Variants in CASK observed in about 807,000 individuals in gnomAD.
The protein encoded by CASK is calcium/calmodulin dependent serine protein kinase, also known as peripheral plasma membrane protein CASK.
CASK carries 4 observed loss-of-function variants against 82.9 expected under a neutral mutation model. The ratio of observed to expected loss-of-function variants is 0.05; its 90% CI spans 0.02 to 0.11. The LOEUF (loss-of-function observed/expected upper bound fraction) is 0.11. Ranked by LOEUF, CASK falls within the 10% of genes least tolerant of loss-of-function variation. The probability of loss-of-function intolerance (pLI) is 1.00; values close to 1 mark genes in which losing one functional copy is unlikely to be tolerated. For missense variants in CASK, 358 were observed against 720.9 expected (o/e 0.50, Z 5.76); for synonymous variants, 259 against 253.5 (o/e 1.02, Z -0.20).
At chrX:41,705,092 G>A (rs1242870851) in intron 5 of CASK, among the ~76,000 whole-genome samples, 1 of 112,258 alleles carries the variant, frequency 8.9e-6, no homozygotes, top group Non-Finnish European at 1.9e-5. Flanking sequence ...GGGAGGTGGG[G>A]GAAGTAACTC....
Position 41,690,194 on chromosome X carries a change from C to T in CASK, c.430-18664G>A, listed in dbSNP as rs144709521. Among the ~76,000 whole-genome samples, 83 of 111,091 alleles carry T rather than the reference C, an allele frequency of 7.5e-4. No individual in the cohort carries two copies. The East Asian group carries it at 0.02, about 26-fold the overall frequency. ...CACAGTGGTTTGTTTCTTGTCTTCA[C>T]AAGCAATTCTTAACATATCAAACAG... On this transcript the variant is annotated intron_variant, in intron 5 of 26. Coordinates refer to ENST00000378163, the MANE Select transcript of CASK (RefSeq NM_001367721.1).
intron 24 of CASK, among the ~76,000 whole-genome samples, chrX:41,532,644 C>T (rs1028143424): frequency 2.0e-4 from 22 of 109,445 alleles, no homozygotes; most frequent in African/African-American, 7.0e-4. Flanking sequence ...TGAGAAAGAA[C>T]AAATTTATGC....
chrX:41,566,339 T>C lies in CASK; in HGVS notation c.1582+3329A>G, dbSNP rs1048716507. Among the ~76,000 whole-genome samples, 38 of 111,713 alleles carry C rather than the reference T, an allele frequency of 3.4e-4. 2 individuals are homozygous for C. Among genetic ancestry groups the C allele is most frequent in the Admixed American group, 5.7e-4 (6 of 10,501 alleles). On this transcript the variant is annotated intron_variant, in intron 16 of 26. Transcript: ENST00000378163. Reference sequence around the variant, plus strand: ...ATGACTATATATTTAGAAAACCCCATTGTCTCAGCCCAAAATCTCCTTAAG... The same window carrying C: ...ATGACTATATATTTAGAAAACCCCACTGTCTCAGCCCAAAATCTCCTTAAG...
In CASK at chrX:41,782,782, A is replaced by T. The variant is rs1383438750; in HGVS notation, c.278+4396T>A. On this transcript the variant is annotated intron_variant, in intron 3 of 26. Transcript: ENST00000378163. The stretch of plus-strand genomic sequence containing the variant: ...GTCCCCTTTGATACAATTAGCATAC[A>T]TGGTGAAATTTAGGTGAATTTTTAA... Among the ~76,000 whole-genome samples the T allele has an allele frequency of 1.3e-4, 15 of 111,955 alleles. No homozygotes were observed. In the Admixed American group the frequency reaches 1.4e-3, roughly 11 times the overall value.
intron 14 of CASK, among the ~76,000 whole-genome samples, chrX:41,583,107 C>T (rs1271442955): frequency 9.0e-6 from 1 of 111,625 alleles, no homozygotes; most frequent in African/African-American, 3.3e-5. Context: ...ATGAAAATGT[C>T]TTTTAAGCAC....
chrX:41,639,496 A>G (rs1450952736), intron 8 of CASK, among the ~76,000 whole-genome samples: 4 of 109,676 alleles, frequency 3.6e-5, no homozygotes, highest in Non-Finnish European at 7.6e-5. Flanking sequence ...AATCCAGGTG[A>G]AAGATGATGG....
intron 5 of CASK, among the ~76,000 whole-genome samples, chrX:41,725,482 T>G (rs2068244855): frequency 1.8e-5 from 2 of 111,154 alleles, no homozygotes; most frequent in African/African-American, 6.5e-5. Context: ...GAAACCTTGC[T>G]CTAGATCATG....
At chrX:41,544,540 T>C in intron 21 of CASK, among the ~76,000 whole-genome samples, 1 of 94,597 alleles carries the variant, frequency 1.1e-5, no homozygotes, top group Non-Finnish European at 2.0e-5. Context: ...CACTCTAGCC[T>C]GGGCAACCGA....
intron 5 of CASK, among the ~76,000 whole-genome samples, chrX:41,736,457 G>A (rs112438524): frequency 2.7e-5 from 3 of 111,919 alleles, no homozygotes; most frequent in Non-Finnish European, 5.6e-5. Flanking sequence ...CCGAGATTGC[G>A]CCACTGCACT....
chrX:41,601,198 G>GTCAT (rs1393092406), intron 12 of CASK, among the ~76,000 whole-genome samples: 1 of 111,274 alleles, frequency 9.0e-6, no homozygotes, highest in East Asian at 2.8e-4. Flanking sequence ...GTATAACAAT[G>GTCAT]TGAATATACT....
At chrX:41,746,080 G>C (rs747987884) in intron 3 of CASK, among the ~76,000 whole-genome samples, 7 of 111,706 alleles carry the variant, frequency 6.3e-5, no homozygotes, top group Non-Finnish European at 1.3e-4. Context: ...ATTTATTTTT[G>C]TTTACACTGC....
At chrX:41,833,941 G>A (rs763765155) in intron 2 of CASK, among the ~76,000 whole-genome samples, 8 of 110,597 alleles carry the variant, frequency 7.2e-5, no homozygotes, top group African/African-American at 9.9e-5. Flanking sequence ...GTAGAGATGG[G>A]GTTTTGCCAT....
intron 1 of CASK, among the ~76,000 whole-genome samples, chrX:41,901,669 C>A (rs776792268): frequency 1.8e-5 from 2 of 111,071 alleles, no homozygotes; most frequent in African/African-American, 6.6e-5. Context: ...GACAGGCCTA[C>A]GGCTTGAGTT....
At position 41,739,998 on chromosome X, in the gene CASK, A is replaced by T. The variant is rs115380683; in HGVS notation, c.357-542T>A. ...CAAGTTTTAGTTGGGGCTCCCTTGAACAAAGTGGAGTTAATTCTAGGCACA... is the reference window on the plus strand; with the variant it reads ...CAAGTTTTAGTTGGGGCTCCCTTGATCAAAGTGGAGTTAATTCTAGGCACA... On this transcript the variant is annotated intron_variant, in intron 4 of 26. Coordinates refer to ENST00000378163, the MANE Select transcript of CASK (RefSeq NM_001367721.1). Among the ~76,000 whole-genome samples, 717 of 112,478 alleles carry T rather than the reference A, an allele frequency of 6.4e-3. 9 individuals are homozygous for T. Among genetic ancestry groups the T allele is most frequent in the African/African-American group, 0.022 (690 of 30,976 alleles).
intron 12 of CASK, among the ~76,000 whole-genome samples, chrX:41,606,242 TTTCATTCATTCATTCA>T (rs201930152): frequency 2.9e-5 from 3 of 103,928 alleles, no homozygotes; most frequent in South Asian, 9.3e-4. Flanking sequence ...ATGATTAAGC[TTTCATTCATTCATTCA>T]TTCATTCATT....
chrX:41,891,062 T>A (rs966241585), intron 1 of CASK, among the ~76,000 whole-genome samples: 118 of 108,518 alleles, frequency 1.1e-3, no homozygotes, highest in Non-Finnish European at 2.0e-3. Flanking sequence ...TATTTTTTTT[T>A]AATTTTTAGT....
At chrX:41,728,216 C>T (rs186512480) in intron 5 of CASK, 12 of 319,626 alleles carry the variant, frequency 3.8e-5, no homozygotes, top group African/African-American at 1.1e-4. Context: ...TTATACTGAA[C>T]GTTGAGATGG....
At chrX:41,756,384 T>C (rs2068896184) in intron 3 of CASK, among the ~76,000 whole-genome samples, 1 of 112,302 alleles carries the variant, frequency 8.9e-6, no homozygotes, top group African/African-American at 3.2e-5. Context: ...AGCAGCATTG[T>C]TCACAATGGT....
intron 5 of CASK, among the ~76,000 whole-genome samples, chrX:41,710,017 T>C (rs772792210): frequency 9.1e-6 from 1 of 109,348 alleles, no homozygotes; most frequent in African/African-American, 3.3e-5. Flanking sequence ...CACTGATATA[T>C]GATGCCTTTT....
Sources: allele counts gnomAD v4.1 joint callset (sites outside exome capture counted in the v4.1 genomes callset), GRCh38; gene constraint gnomAD v4.1.1; transcripts MANE v1.5; gene names NCBI Gene and HGNC (gene_info 2026-07-23, HGNC 2026-07-21).